The following NALF1 variants were observed in gnomAD, a reference collection of about 807,000 sequenced individuals.
NALF1 encodes the protein family with sequence similarity 155 member A.
NALF1 carries 3 observed loss-of-function variants against 48.4 expected under a neutral mutation model. The ratio of observed to expected loss-of-function variants is 0.06; its 90% CI spans 0.03 to 0.16. NALF1 has a LOEUF of 0.16. Among genes scored for constraint, NALF1 ranks in the 10% least tolerant of loss-of-function variants. NALF1 has a pLI of 1.00. For synonymous variants in NALF1, 262 were observed against 245.7 expected (o/e 1.07, Z -0.62); for missense variants, 526 against 571.5 (o/e 0.92, Z 0.81).
chr13:107,199,385 T>C (rs988183121), intron 2 of NALF1, among the ~76,000 whole-genome samples: 2 of 152,172 alleles, frequency 1.3e-5, no homozygotes, highest in African/African-American at 4.8e-5. Context: ...CATGTGGTAT[T>C]TTGTCACGGC....
At chr13:107,762,238 GAA>G (rs5806687) in intron 1 of NALF1, among the ~76,000 whole-genome samples, 111 of 143,890 alleles carry the variant, frequency 7.7e-4, no homozygotes, top group Admixed American at 1.3e-3. Context: ...CATTCTATCA[GAA>G]AAAAAAAAAA....
chr13:107,199,555 G>A lies in NALF1; in HGVS notation c.1087+11029C>T, dbSNP rs1315340040. ...GTCAACATCTGAATTTGGAGAACAGGGGATACAATTGAACACATGACACTG... is the reference window on the plus strand; with the variant it reads ...GTCAACATCTGAATTTGGAGAACAGAGGATACAATTGAACACATGACACTG... On this transcript the variant is annotated intron_variant, in intron 2 of 2. Transcript: ENST00000375915. 3.3e-5 allele frequency among the ~76,000 whole-genome samples: 5 copies of A among 152,080 alleles called. No homozygotes were observed. The East Asian group carries it at 7.7e-4, about 23-fold the overall frequency.
chr13:107,420,906 T>G (rs768919799), intron 1 of NALF1, among the ~76,000 whole-genome samples: 2 of 152,186 alleles, frequency 1.3e-5, no homozygotes, highest in Non-Finnish European at 2.9e-5. Flanking sequence ...TTGCTTTTCA[T>G]GTTTCTCGTA....
At chr13:107,434,175 CT>C (rs1884427046) in intron 1 of NALF1, among the ~76,000 whole-genome samples, 2 of 152,144 alleles carry the variant, frequency 1.3e-5, no homozygotes, top group African/African-American at 4.8e-5. Context: ...GGTGTATAAT[CT>C]CTCATTTTAT....
intron 1 of NALF1, among the ~76,000 whole-genome samples, chr13:107,599,719 G>A (rs184116047): frequency 6.6e-6 from 1 of 152,156 alleles, no homozygotes; most frequent in African/African-American, 2.4e-5. Context: ...AGTCTTCTGT[G>A]AATTTTAACT....
intron 1 of NALF1, among the ~76,000 whole-genome samples, chr13:107,300,961 C>G (rs1330868506): frequency 6.6e-6 from 1 of 152,188 alleles, no homozygotes; most frequent in Non-Finnish European, 1.5e-5. Flanking sequence ...ACAAATCTTT[C>G]TTATGCATTC....
chr13:107,265,551 C>T (rs1641189250), intron 1 of NALF1, among the ~76,000 whole-genome samples: 1 of 152,064 alleles, frequency 6.6e-6, no homozygotes. Flanking sequence ...TCCCTACAGG[C>T]ATGCATCACC....
chr13:107,528,791 C>T (rs373482740), intron 1 of NALF1, among the ~76,000 whole-genome samples: 25 of 152,060 alleles, frequency 1.6e-4, no homozygotes, highest in African/African-American at 4.3e-4. Context: ...CTTGTCATCA[C>T]GACGATTCAT....
chr13:107,290,532 C>T (rs1881599664), intron 1 of NALF1, among the ~76,000 whole-genome samples: 1 of 152,100 alleles, frequency 6.6e-6, no homozygotes, highest in Non-Finnish European at 1.5e-5. Flanking sequence ...TCTCATTTCT[C>T]TCTTGCCTGC....
intron 1 of NALF1, among the ~76,000 whole-genome samples, chr13:107,220,447 A>T (rs1879966167): frequency 6.6e-6 from 1 of 152,222 alleles, no homozygotes; most frequent in South Asian, 2.1e-4. Flanking sequence ...ATATTTAAAA[A>T]GTCAGAGTGA....
chr13:107,180,290 G>T (rs1879034686), intron 2 of NALF1, among the ~76,000 whole-genome samples: 1 of 151,944 alleles, frequency 6.6e-6, no homozygotes, highest in South Asian at 2.1e-4. Context: ...GCACAAGAAA[G>T]TCAATAAAGT....
Position 107,654,402 on chromosome 13 carries a change from C to T in NALF1, c.915+211280G>A, listed in dbSNP as rs116599859. Among the ~76,000 whole-genome samples the T allele has an allele frequency of 3.4e-3, 512 of 152,042 alleles. 1 individual carries two copies. Among genetic ancestry groups the T allele is most frequent in the African/African-American group, 0.012 (487 of 41,496 alleles). ...TGCACAGTAGAAAACCTAGAGGAGACGGATAAATTCCCAGAAATGTACAAC... is the reference window on the plus strand; with the variant it reads ...TGCACAGTAGAAAACCTAGAGGAGATGGATAAATTCCCAGAAATGTACAAC... On this transcript the variant is annotated intron_variant, in intron 1 of 2. Coordinates refer to ENST00000375915, the MANE Select transcript of NALF1 (RefSeq NM_001080396.3).
chr13:107,302,633 G>A (rs1445979179), intron 1 of NALF1, among the ~76,000 whole-genome samples: 1 of 151,948 alleles, frequency 6.6e-6, no homozygotes, highest in Non-Finnish European at 1.5e-5. Flanking sequence ...AGACCTCAAA[G>A]CTAACCAAAA....
At chr13:107,443,722 G>C (rs1884603214) in intron 1 of NALF1, among the ~76,000 whole-genome samples, 1 of 152,242 alleles carries the variant, frequency 6.6e-6, no homozygotes, top group Non-Finnish European at 1.5e-5. Flanking sequence ...ATTAAACCAT[G>C]ACAGTATGTA....
chr13:107,289,728 G>A (rs1566475802), intron 1 of NALF1, among the ~76,000 whole-genome samples: 1 of 152,088 alleles, frequency 6.6e-6, no homozygotes, highest in Admixed American at 6.6e-5. Context: ...GAGCCATTTG[G>A]GGATAAAACG....
In NALF1 at chr13:107,402,885, CT is replaced by C. The variant is rs1883832842; in HGVS notation, c.916-192131del. ...CTGAAGAAAACATGATAATCAATGA[CT>C]TTTAGGATTTTTCCTTATTGGTAGC... On this transcript the variant is annotated intron_variant, in intron 1 of 2. Coordinates refer to ENST00000375915, the MANE Select transcript of NALF1 (RefSeq NM_001080396.3). Among the ~76,000 whole-genome samples the C allele has an allele frequency of 3.3e-5, 5 of 152,208 alleles. No homozygotes were observed. The South Asian group carries it at 1.0e-3, about 32-fold the overall frequency.
chr13:107,597,979 G>C (rs750874325), intron 1 of NALF1, among the ~76,000 whole-genome samples: 10 of 152,124 alleles, frequency 6.6e-5, no homozygotes, highest in Non-Finnish European at 1.5e-4. Flanking sequence ...CAAGGTTGAA[G>C]ATTATATGTT....
chr13:107,786,206 C>T (rs1196626854), intron 1 of NALF1, among the ~76,000 whole-genome samples: 1 of 151,640 alleles, frequency 6.6e-6, no homozygotes, highest in Non-Finnish European at 1.5e-5. Context: ...CATCTGAGGT[C>T]AAGAGTTCGA....
intron 1 of NALF1, among the ~76,000 whole-genome samples, chr13:107,568,818 T>C (rs1226119955): frequency 6.6e-6 from 1 of 152,244 alleles, no homozygotes. Context: ...TTGAAAGTTC[T>C]TTATATATTC....
Sources: gnomAD v4.1 joint callset for allele counts (sites outside exome capture counted in the v4.1 genomes callset) on GRCh38, gnomAD v4.1.1 for gene constraint, MANE v1.5 for transcripts, NCBI Gene and HGNC (gene_info 2026-07-23, HGNC 2026-07-21) for gene names.